The following MICU3 variants were observed in gnomAD, a reference collection of about 807,000 sequenced individuals.
MICU3 encodes the protein mitochondrial calcium uptake 3.
MICU3 carries 62 observed loss-of-function variants against 66.5 expected under a neutral mutation model. That is an observed-to-expected ratio of 0.93 (90% CI 0.76 to 1.15). MICU3 has a LOEUF of 1.15. Ranked by LOEUF, MICU3 falls within the 50% of genes most tolerant of loss-of-function variation. The pLI, the probability that MICU3 is intolerant of heterozygous loss-of-function variation, is 0.00. For synonymous variants in MICU3, 308 were observed against 240.7 expected, an observed-to-expected ratio of 1.28 and a Z score of -2.59; for missense variants, 779 against 664.4, an observed-to-expected ratio of 1.17 and a Z score of -1.90.
At chr8:17,054,741 T>TC (rs1186729467) in intron 1 of MICU3, among the ~76,000 whole-genome samples, 12 of 106,788 alleles carry the variant, frequency 1.1e-4, no homozygotes, top group East Asian at 4.1e-4. Context: ...TTTCTTTCTT[T>TC]TTTTTTTTTT....
chr8:17,064,790 C>T (rs1013653369), intron 2 of MICU3, among the ~76,000 whole-genome samples: 3 of 152,024 alleles, frequency 2.0e-5, no homozygotes, highest in Admixed American at 6.6e-5. Context: ...TGTTGTTTTC[C>T]ATGAAATATA....
At chr8:17,038,839 G>C (rs576840708) in intron 1 of MICU3, among the ~76,000 whole-genome samples, 1 of 151,986 alleles carries the variant, frequency 6.6e-6, no homozygotes, top group Non-Finnish European at 1.5e-5. Context: ...TGTAGTCCCA[G>C]CTGCTCGGGA....
chr8:17,056,458 C>T (rs561995574), intron 1 of MICU3, among the ~76,000 whole-genome samples: 10 of 152,302 alleles, frequency 6.6e-5, no homozygotes, highest in Admixed American at 6.5e-4. Context: ...TGCTCTCCTG[C>T]AGTCTTACTC....
chr8:17,098,442 C>G lies in MICU3; in HGVS notation c.889-16C>G. 6.6e-7 allele frequency: 1 copy of G among 1,526,542 alleles called. No homozygotes were observed. The highest frequency in any genetic ancestry group is 9.1e-7 in the Non-Finnish European group (1 of 1,100,768). 94.6% of individuals were successfully genotyped at this position (1,526,542 alleles called of 1,614,324 possible). The stretch of plus-strand genomic sequence containing the variant: ...TATTCTTTAGATTTCAGTTGTGCTT[C>G]TTAAAACTTCTACAGGTACTTAAAA... On this transcript the variant is annotated splice_polypyrimidine_tract_variant and intron_variant, in intron 8 of 14. Coordinates refer to ENST00000318063, the MANE Select transcript of MICU3 (RefSeq NM_181723.3).
At position 17,121,628 on chromosome 8, in the gene MICU3, C is replaced by T. The variant is rs1803203987; in HGVS notation, c.*1341C>T. ...TATTACTTTGCTTTTGCATATGAAA[C>T]TAGAAAACACTGACTTTGTTTTTAT... On this transcript the variant is annotated 3_prime_UTR_variant, in exon 15 of 15. Transcript: ENST00000318063. 6.6e-6 allele frequency: 1 copy of T among 152,134 alleles called. No individual in the cohort carries two copies. Among genetic ancestry groups the T allele is most frequent in the African/African-American group, 2.4e-5 (1 of 41,418 alleles). The allele number at this position is 152,134 out of a possible 1,614,324, so 9.4% of individuals were successfully genotyped here. A position where few individuals can be genotyped will look rare whatever the true frequency, so the allele number is the denominator to read the frequency against.
chr8:17,108,976 C>G (rs1211240436), intron 11 of MICU3, among the ~76,000 whole-genome samples: 2 of 152,020 alleles, frequency 1.3e-5, no homozygotes, highest in African/African-American at 4.8e-5. Context: ...ATATGTTGTC[C>G]CCTCTGATGA....
chr8:17,123,089 C>G (rs945476718), downstream of MICU3, among the ~76,000 whole-genome samples: 2 of 151,884 alleles, frequency 1.3e-5, no homozygotes, highest in African/African-American at 4.8e-5. Context: ...CCATAATATT[C>G]AGAAACTGTA....
Position 17,114,258 on chromosome 8 carries a change from G to A in MICU3, c.1366+57G>A, listed in dbSNP as rs1383678821. The A allele has an allele frequency of 7.8e-6, 9 of 1,148,130 alleles. No individual in the cohort carries two copies. The African/African-American group carries it at 1.4e-4, about 18-fold the overall frequency. 71.1% of individuals were successfully genotyped at this position (1,148,130 alleles called of 1,614,324 possible). ...GAAGTAATACTACATTGTTTCTATA[G>A]ATTTTGGCAACCAATTAATTAAATA... On this transcript the variant is annotated intron_variant, in intron 12 of 14. Transcript: ENST00000318063.
In MICU3 at chr8:17,116,517, AT is replaced by A; in HGVS notation, c.1446del (p.Phe482LeufsTer9). The A allele has an allele frequency of 6.4e-7, 1 of 1,569,870 alleles. No individual in the cohort carries two copies. The highest frequency in any genetic ancestry group is 1.2e-5 in the South Asian group (1 of 83,076). ...ACATTTAGTGAACACTGTCTTCAAGATTTTTGATGTTGACAAAGATGATCAA... is the reference window on the plus strand; with the variant it reads ...ACATTTAGTGAACACTGTCTTCAAGATTTTGATGTTGACAAAGATGATCAA... The part of the protein sequence containing the change: ...SPHLVNTVFK[I>X]FDVDKDDQLS... On this transcript the variant is annotated frameshift_variant, in exon 13 of 15. Transcript: ENST00000318063. LOFTEE classifies it high-confidence loss of function.
At position 17,077,861 on chromosome 8, in the gene MICU3, G is replaced by C. The variant is rs1353708770; in HGVS notation, c.646G>C (p.Gly216Arg). 2 of 1,602,332 alleles carry C rather than the reference G, an allele frequency of 1.2e-6. No individual in the cohort carries two copies. Among genetic ancestry groups the C allele is most frequent in the African/African-American group, 2.7e-5 (2 of 74,576 alleles). Residue 216 changes from glycine to arginine, a missense_variant and splice_region_variant, in exon 4 of 15, where the codon GGT (glycine) becomes CGT (arginine). Physicochemically the swap from Gly to Arg is moderately radical, Grantham distance 125. Coordinates refer to ENST00000318063, the MANE Select transcript of MICU3 (RefSeq NM_181723.3). ...GCTATTTCGAAATCTTAAAGAAAAA[G>C]GTGAGTTAACCTTAGTACTTGTTCT... The part of the protein sequence containing the change: ...SKLFRNLKEK[G>R]VISYTEYLFL...
chr8:17,062,521 C>T (rs1021310141), intron 1 of MICU3, among the ~76,000 whole-genome samples: 3 of 152,102 alleles, frequency 2.0e-5, no homozygotes, highest in African/African-American at 4.8e-5. Flanking sequence ...ATTTGCCTGG[C>T]TTTTCGTTTA....
intron 1 of MICU3, among the ~76,000 whole-genome samples, chr8:17,037,999 C>A (rs148597068): frequency 1.3e-5 from 2 of 152,162 alleles, no homozygotes; most frequent in Admixed American, 6.5e-5. Flanking sequence ...GTCTCTACCC[C>A]CTTTGTATCT....
At chr8:17,030,373 C>T (rs1208738153) in intron 1 of MICU3, among the ~76,000 whole-genome samples, 1 of 152,204 alleles carries the variant, frequency 6.6e-6, no homozygotes. Context: ...CACGAAAGGG[C>T]TTCTTATTAG....
At chr8:17,069,760 G>GTATATA in intron 3 of MICU3, 41 bp downstream of exon 3, 5 of 870,402 alleles carry the variant, frequency 5.7e-6, no homozygotes, top group Non-Finnish European at 7.0e-6. Flanking sequence ...AATTTTATAT[G>GTATATA]TGCATGCATA....
At chr8:17,032,010 G>A (rs1812162688) in intron 1 of MICU3, among the ~76,000 whole-genome samples, 1 of 152,180 alleles carries the variant, frequency 6.6e-6, no homozygotes, top group Admixed American at 6.5e-5. Context: ...TTCATTGCCT[G>A]TTAAGGGTCC....
chr8:17,114,224 T>G (rs761575606), intron 12 of MICU3, 23 bp downstream of exon 12: 2 of 1,450,430 alleles, frequency 1.4e-6, no homozygotes, highest in Non-Finnish European at 9.6e-7. Context: ...CTACAAAAAT[T>G]AAAAGCAAGA....
At chr8:17,057,441 T>A (rs1011115395) in intron 1 of MICU3, among the ~76,000 whole-genome samples, 1 of 152,194 alleles carries the variant, frequency 6.6e-6, no homozygotes. Context: ...CCAAAACTTA[T>A]ATGAAAACAA....
intron 1 of MICU3, among the ~76,000 whole-genome samples, chr8:17,037,755 T>C (rs1273318732): frequency 6.6e-6 from 1 of 152,062 alleles, no homozygotes; most frequent in East Asian, 1.9e-4. Context: ...CATCAGCCCA[T>C]GAAAGCAGCC....
At chr8:17,095,450 C>T (rs1237066254) in intron 8 of MICU3, among the ~76,000 whole-genome samples, 6 of 151,746 alleles carry the variant, frequency 4.0e-5, no homozygotes, top group Admixed American at 6.6e-5. Context: ...CATAGTGACA[C>T]GAATTATAAA....
Sources: allele counts gnomAD v4.1 joint callset (sites outside exome capture counted in the v4.1 genomes callset), GRCh38; gene constraint gnomAD v4.1.1; transcripts MANE v1.5; gene names NCBI Gene and HGNC (gene_info 2026-07-23, HGNC 2026-07-21).